Variants in NBPF8 observed in about 807,000 individuals in gnomAD.
The protein encoded by NBPF8 is NBPF family member NBPF8.
chr1:120,433,352 C>A (rs2101588113), upstream of NBPF8: 1 of 152,726 alleles, frequency 6.5e-6, no homozygotes, highest in East Asian at 1.9e-4. Flanking sequence ...ATAAATACAT[C>A]AAAGTGAAAG....
chr1:120,462,473 C>T (rs1476520476), intron 20 of NBPF8, among the ~76,000 whole-genome samples: 1 of 136,908 alleles, frequency 7.3e-6, no homozygotes, highest in Non-Finnish European at 1.6e-5. Context: ...TGAGCCCACT[C>T]TTTTCATGAT....
rs1387354173 is a variant in NBPF8, at chr1:120,465,364, T to A, written n.3561T>A. The A allele has an allele frequency of 1.4e-5, 9 of 621,328 alleles. 1 individual carries two copies. The highest frequency in any genetic ancestry group is 2.6e-5 in the Non-Finnish European group (9 of 342,738). The allele number at this position is 621,328 out of a possible 1,614,324, so 38.5% of individuals were successfully genotyped here. A position where few individuals can be genotyped will look rare whatever the true frequency, so the allele number is the denominator to read the frequency against. ...AGGGGAAGAAGATCAAAACCCACCA[T>A]GCCCCAGGTAACTTTCAGCAATTGT... On this transcript the variant is annotated non_coding_transcript_exon_variant, in exon 24 of 25. Coordinates refer to ENST00000583271, the Ensembl canonical transcript of NBPF8.
chr1:120,434,880 G>C (rs1661030480), upstream of NBPF8, among the ~76,000 whole-genome samples: 1 of 101,892 alleles, frequency 9.8e-6, no homozygotes, highest in Non-Finnish European at 1.9e-5. Flanking sequence ...AAGAAATCAA[G>C]CGAATTGCAC....
intron 11 of NBPF8, among the ~76,000 whole-genome samples, chr1:120,449,709 A>G (rs1556606461): frequency 1.3e-5 from 2 of 152,092 alleles, no homozygotes; most frequent in Admixed American, 6.5e-5. Flanking sequence ...AATCCTCTCT[A>G]CCATATAAGA....
chr1:120,466,324 G>C, exon 25 of NBPF8: 1 of 1,507,654 alleles, frequency 6.6e-7, no homozygotes, highest in Non-Finnish European at 9.0e-7. Flanking sequence ...CCAGACATAG[G>C]ATGGGTCAGT....
In NBPF8 at chr1:120,449,419, C is replaced by T. The variant is rs782351634; in HGVS notation, n.1971+17C>T. 3.4e-6 allele frequency: 5 copies of T among 1,478,632 alleles called. No individual in the cohort carries two copies. The highest frequency in any genetic ancestry group is 1.1e-5 in the South Asian group (1 of 88,862). The allele number at this position is 1,478,632 out of a possible 1,614,324, so 91.6% of individuals were successfully genotyped here. A position where few individuals can be genotyped will look rare whatever the true frequency, so the allele number is the denominator to read the frequency against. ...ACAAATACAGTAAGATCTACAGGCT[C>T]ACCATCATGAAAGTGATGAATGATA... On this transcript the variant is annotated intron_variant and non_coding_transcript_variant, in intron 11 of 24. Transcript: ENST00000583271.
upstream of NBPF8, among the ~76,000 whole-genome samples, chr1:120,434,234 A>G (rs1233751405): frequency 1.4e-5 from 2 of 147,912 alleles, no homozygotes; most frequent in Admixed American, 6.8e-5. Context: ...AAAAATATAT[A>G]TATATAATAT....
chr1:120,436,528 G>T (rs2101619204), exon 1 of NBPF8: 1 of 1,526,778 alleles, frequency 6.5e-7, no homozygotes, highest in Non-Finnish European at 9.1e-7. Context: ...TCAGCATGGT[G>T]GTATCAGCCG....
At chr1:120,428,196 A>C (rs1287332646) in intron 3 of NBPF8, among the ~76,000 whole-genome samples, 1 of 152,158 alleles carries the variant, frequency 6.6e-6, no homozygotes, top group Non-Finnish European at 1.5e-5. Flanking sequence ...ACAGGTGGCC[A>C]TGAAACAGAT....
upstream of NBPF8, among the ~76,000 whole-genome samples, chr1:120,415,079 C>T (rs1168323937): frequency 6.6e-6 from 1 of 152,006 alleles, no homozygotes; most frequent in Non-Finnish European, 1.5e-5. Context: ...ATGGGCTGGG[C>T]GGCGGTTGAG....
downstream of NBPF8, among the ~76,000 whole-genome samples, chr1:120,469,079 C>T (rs1323397418): frequency 6.9e-6 from 1 of 144,374 alleles, no homozygotes; most frequent in African/African-American, 2.6e-5. Flanking sequence ...TGCAGAACTT[C>T]AATCGTTTAC....
At chr1:120,461,059 T>C (rs1661574932) in intron 18 of NBPF8, among the ~76,000 whole-genome samples, 195 bp from the exon 17 acceptor site, 1 of 137,596 alleles carries the variant, frequency 7.3e-6, no homozygotes, top group African/African-American at 2.6e-5. Flanking sequence ...TGTGTGTGTG[T>C]GTGTGTCTTT....
intron 3 of NBPF8, among the ~76,000 whole-genome samples, chr1:120,430,478 G>A (rs1570930409): frequency 1.8e-5 from 2 of 109,490 alleles, no homozygotes; most frequent in East Asian, 3.9e-4. Flanking sequence ...CAACAGACGG[G>A]GCACCGTGGC....
chr1:120,432,293 C>T (rs1660903014), upstream of NBPF8: 1 of 107,128 alleles, frequency 9.3e-6, no homozygotes, highest in Non-Finnish European at 1.9e-5. Flanking sequence ...TTTCGTCATG[C>T]TTTAAGGCCC....
chr1:120,450,397 G>T (rs1462704328), intron 11 of NBPF8, among the ~76,000 whole-genome samples: 2 of 151,778 alleles, frequency 1.3e-5, no homozygotes, highest in African/African-American at 2.4e-5. Context: ...GGGACCGTGG[G>T]CCTGTCTCCT....
intron 18 of NBPF8, 106 bp downstream of exon 16, chr1:120,460,730 A>C: frequency 1.0e-6 from 1 of 970,304 alleles, no homozygotes; most frequent in Non-Finnish European, 1.6e-6. Flanking sequence ...CTTGTCAGAC[A>C]AGTCTGAATT....
At chr1:120,434,534 G>A (rs2101602106), upstream of NBPF8, among the ~76,000 whole-genome samples, 1 of 149,810 alleles carries the variant, frequency 6.7e-6, no homozygotes, top group East Asian at 2.0e-4. Flanking sequence ...AGGCCCTGGT[G>A]TGTGATGTTC....
At chr1:120,428,524 A>C (rs1660784543) in intron 3 of NBPF8, among the ~76,000 whole-genome samples, 1 of 151,988 alleles carries the variant, frequency 6.6e-6, no homozygotes, top group African/African-American at 2.4e-5. Flanking sequence ...TTTATGATGA[A>C]GGAGAAATAA....
intron 3 of NBPF8, among the ~76,000 whole-genome samples, chr1:120,429,974 CT>C (rs1185158027): frequency 1.3e-5 from 2 of 149,368 alleles, no homozygotes; most frequent in African/African-American, 2.5e-5. Flanking sequence ...AAATTGAAAA[CT>C]TTTTTCATGA....
Sources: allele counts gnomAD v4.1 joint callset (sites outside exome capture counted in the v4.1 genomes callset), GRCh38; gene constraint gnomAD v4.1.1; transcripts MANE v1.5; gene names NCBI Gene and HGNC (gene_info 2026-07-23, HGNC 2026-07-21).